The following CNTN4 variants were observed in gnomAD, a reference collection of about 807,000 sequenced individuals.
The protein encoded by CNTN4 is contactin 4, also known as contactin-4.
A neutral mutation model predicts 122.5 loss-of-function variants in CNTN4; 77 were observed. The observed-to-expected ratio is 0.63, with a 90% confidence interval of 0.52 to 0.76. The LOEUF (loss-of-function observed/expected upper bound fraction) is 0.76, where lower values mean the gene tolerates loss of function less well. Among genes scored for constraint, CNTN4 ranks in the 30% least tolerant of loss-of-function variants. The pLI is 0.00. For synonymous variants in CNTN4, 512 were observed against 447.0 expected, an observed-to-expected ratio of 1.15 and a Z score of -1.83; for missense variants, 1,256 against 1,259.1, an observed-to-expected ratio of 1.00 and a Z score of 0.04.
At chr3:3,005,092 A>G (rs1420224944) in intron 14 of CNTN4, among the ~76,000 whole-genome samples, 1 of 152,216 alleles carries the variant, frequency 6.6e-6, no homozygotes, top group Non-Finnish European at 1.5e-5. Context: ...AAATTCTGGT[A>G]GCCCTTCTTC....
At chr3:2,387,020 T>C (rs1480675796) in intron 3 of CNTN4, among the ~76,000 whole-genome samples, 1 of 152,178 alleles carries the variant, frequency 6.6e-6, no homozygotes, top group Non-Finnish European at 1.5e-5. Flanking sequence ...AAATAGAAGT[T>C]AGAGTTTTGA....
chr3:2,197,068 A>AAAGAAG (rs1553600656), intron 2 of CNTN4, among the ~76,000 whole-genome samples: 18 of 139,798 alleles, frequency 1.3e-4, no homozygotes, highest in African/African-American at 4.3e-4. Flanking sequence ...AAAAAAAAAA[A>AAAGAAG]AAGAAGAAGA....
At chr3:2,571,023 T>A (rs1193606885) in intron 3 of CNTN4, among the ~76,000 whole-genome samples, 1 of 151,802 alleles carries the variant, frequency 6.6e-6, no homozygotes, top group African/African-American at 2.4e-5. Flanking sequence ...CCACCAGTGT[T>A]AAGCCTATCT....
At chr3:2,123,951 T>C (rs2033965536) in intron 2 of CNTN4, among the ~76,000 whole-genome samples, 1 of 152,184 alleles carries the variant, frequency 6.6e-6, no homozygotes, top group Non-Finnish European at 1.5e-5. Context: ...TTTTTAAATA[T>C]ATAATCAGAT....
chr3:2,590,988 A>C (rs73005774), intron 4 of CNTN4, among the ~76,000 whole-genome samples: 27,385 of 152,152 alleles, frequency 0.18, 2,596 homozygotes, highest in Middle Eastern at 0.23. Flanking sequence ...TCAATATTCG[A>C]AATAATGCAT....
chr3:2,199,212 C>T (rs1036238968), intron 2 of CNTN4, among the ~76,000 whole-genome samples: 7 of 152,190 alleles, frequency 4.6e-5, no homozygotes, highest in Non-Finnish European at 8.8e-5. Flanking sequence ...CTTCAAAATG[C>T]AGCTTTAGCT....
At chr3:2,997,153 T>C (rs572187650) in intron 14 of CNTN4, among the ~76,000 whole-genome samples, 108 of 152,242 alleles carry the variant, frequency 7.1e-4, no homozygotes, top group African/African-American at 1.7e-3. Context: ...TGAAATGGAG[T>C]TTAAATGGCT....
At position 2,104,185 on chromosome 3, in the gene CNTN4, C is replaced by T. The variant is rs937532001; in HGVS notation, c.-145+3546C>T. 2.0e-5 allele frequency among the ~76,000 whole-genome samples: 3 copies of T among 151,404 alleles called. No homozygotes were observed. In the South Asian group the frequency reaches 6.3e-4, roughly 32 times the overall value. On this transcript the variant is annotated intron_variant, in intron 2 of 24. Transcript: ENST00000418658. ...AGAATTTTGCTTTTTTTTCTGAACT[C>T]CTCTTTCTTCCAATTTTTTCCACTT...
intron 3 of CNTN4, among the ~76,000 whole-genome samples, chr3:2,465,532 C>G (rs1038661284): frequency 1.3e-5 from 2 of 151,986 alleles, no homozygotes; most frequent in African/African-American, 4.8e-5. Flanking sequence ...AAAAAATTAA[C>G]CGGGTGTGGC....
intron 2 of CNTN4, among the ~76,000 whole-genome samples, chr3:2,173,812 GATAAA>G (rs947412787): frequency 9.9e-5 from 15 of 151,728 alleles, no homozygotes; most frequent in Admixed American, 4.6e-4. Context: ...AACTCTAAAA[GATAAA>G]ATAAAATTTG....
At chr3:2,170,303 C>G (rs5017183) in intron 2 of CNTN4, among the ~76,000 whole-genome samples, 113,272 of 151,670 alleles carry the variant, frequency 0.75, 42,475 homozygotes, top group East Asian at 0.86. Flanking sequence ...CTGGGCGACA[C>G]ACCAAGACTC....
At chr3:2,409,432 A>G (rs1211897375) in intron 3 of CNTN4, among the ~76,000 whole-genome samples, 3 of 151,858 alleles carry the variant, frequency 2.0e-5, no homozygotes, top group African/African-American at 7.3e-5. Context: ...TATTTTTAGT[A>G]GAGAGAAGGT....
chr3:2,585,966 T>C (rs1428738157), intron 4 of CNTN4, among the ~76,000 whole-genome samples: 1 of 152,032 alleles, frequency 6.6e-6, no homozygotes, highest in African/African-American at 2.4e-5. Flanking sequence ...ATATATTTCA[T>C]CAATGAAGAT....
At position 3,037,671 on chromosome 3, in the gene CNTN4, A is replaced by G. The variant is rs942362218; in HGVS notation, c.2092+343A>G. On this transcript the variant is annotated intron_variant, in intron 18 of 24. Transcript: ENST00000418658. ...CACATTTCAAATAAAATTATCTCAC[A>G]TAAGTAACTAATGGCAAAGAATAAT... 4.8e-5 allele frequency: 17 copies of G among 357,658 alleles called. No homozygotes were observed. The East Asian group carries it at 7.6e-4, about 16-fold the overall frequency. The allele number at this position is 357,658 out of a possible 1,614,324, so 22.2% of individuals were successfully genotyped here. A position where few individuals can be genotyped will look rare whatever the true frequency, so the allele number is the denominator to read the frequency against.
intron 4 of CNTN4, among the ~76,000 whole-genome samples, chr3:2,608,766 A>T (rs2081361810): frequency 6.6e-6 from 1 of 152,244 alleles, no homozygotes; most frequent in Non-Finnish European, 1.5e-5. Context: ...AATTACAGGC[A>T]TGAGCAACTG....
At chr3:2,259,404 A>G (rs192990569) in intron 2 of CNTN4, among the ~76,000 whole-genome samples, 15 of 152,294 alleles carry the variant, frequency 9.8e-5, no homozygotes, top group African/African-American at 3.6e-4. Flanking sequence ...CAGAGTTGCA[A>G]ATGTTAAGTG....
Position 2,575,361 on chromosome 3 carries a change from A to G in CNTN4, c.55+3803A>G, listed in dbSNP as rs184100097. On this transcript the variant is annotated intron_variant, in intron 4 of 24. Transcript: ENST00000418658. ...ACCCAGTCTCTACTAAAATACAAAA[A>G]GTAGCTGGGCATGGTGGTGCACGTC... 6.2e-4 allele frequency among the ~76,000 whole-genome samples: 94 copies of G among 152,156 alleles called. 1 individual carries two copies. The highest frequency in any genetic ancestry group is 2.2e-3 in the African/African-American group (91 of 41,492).
intron 4 of CNTN4, among the ~76,000 whole-genome samples, chr3:2,668,538 A>G (rs1205183664): frequency 6.6e-6 from 1 of 152,196 alleles, no homozygotes; most frequent in African/African-American, 2.4e-5. Context: ...TCATCTGCAA[A>G]CAGGGACAAT....
chr3:2,182,314 C>A (rs778955327), intron 2 of CNTN4, among the ~76,000 whole-genome samples: 2 of 151,842 alleles, frequency 1.3e-5, no homozygotes, highest in South Asian at 2.1e-4. Context: ...ACATATATAT[C>A]TATCCTTGGA....
Sources: allele counts gnomAD v4.1 joint callset (sites outside exome capture counted in the v4.1 genomes callset), GRCh38; gene constraint gnomAD v4.1.1; transcripts MANE v1.5; gene names NCBI Gene and HGNC (gene_info 2026-07-23, HGNC 2026-07-21).